Variants in ERI3 observed in about 807,000 individuals in gnomAD.
The protein encoded by ERI3 is ERI1 exoribonuclease family member 3, also known as ERI1 exoribonuclease 3.
A neutral mutation model predicts 44.4 loss-of-function variants in ERI3; 18 were observed. The observed-to-expected ratio is 0.41, with a 90% CI of 0.28 to 0.60. The LOEUF is 0.60. Ranked by LOEUF, ERI3 falls within the 20% of genes least tolerant of loss-of-function variation. The pLI, the probability that ERI3 is intolerant of heterozygous loss-of-function variation, is 0.36. For missense variants in ERI3, 294 were observed against 435.5 expected, an observed-to-expected ratio of 0.68 and a Z score of 2.89; for synonymous variants, 183 against 164.8, an observed-to-expected ratio of 1.11 and a Z score of -0.84.
chr1:44,349,121 A>C (rs1302881192), intron 2 of ERI3, among the ~76,000 whole-genome samples: 2 of 152,118 alleles, frequency 1.3e-5, no homozygotes, highest in Non-Finnish European at 2.9e-5. Flanking sequence ...TGTTGGGACT[A>C]AGGTCCACAC....
At chr1:44,240,129 C>T (rs773346081) in intron 8 of ERI3, among the ~76,000 whole-genome samples, 1 of 152,262 alleles carries the variant, frequency 6.6e-6, no homozygotes, top group Non-Finnish European at 1.5e-5. Context: ...CTACACCAGC[C>T]CCTCCTTGAG....
At chr1:44,294,362 T>A (rs1645568322) in intron 6 of ERI3, among the ~76,000 whole-genome samples, 1 of 152,196 alleles carries the variant, frequency 6.6e-6, no homozygotes, top group African/African-American at 2.4e-5. Context: ...TGGCTCTTTA[T>A]CCTATCTGCC....
At chr1:44,229,550 T>C (rs894864877) in intron 8 of ERI3, among the ~76,000 whole-genome samples, 2 of 152,082 alleles carry the variant, frequency 1.3e-5, no homozygotes. Flanking sequence ...TTTTACAAAT[T>C]AGGGAATAAA....
intron 3 of ERI3, among the ~76,000 whole-genome samples, chr1:44,322,125 T>C (rs1005131213): frequency 6.6e-6 from 1 of 152,166 alleles, no homozygotes; most frequent in Non-Finnish European, 1.5e-5. Context: ...AGATCTAGGA[T>C]TTCATTAGTA....
chr1:44,271,076 G>A (rs909087649), intron 7 of ERI3, among the ~76,000 whole-genome samples: 2 of 152,110 alleles, frequency 1.3e-5, no homozygotes, highest in African/African-American at 2.4e-5. Flanking sequence ...CCTGGCCCAC[G>A]GGCTCCCTCT....
Position 44,354,996 on chromosome 1 carries a change from C to G in ERI3, c.31G>C (p.Gly11Arg). The G allele has an allele frequency of 2.2e-6, 3 of 1,378,250 alleles. No individual in the cohort carries two copies. Among genetic ancestry groups the G allele is most frequent in the South Asian group, 2.0e-5 (1 of 49,220 alleles). The allele number at this position is 1,378,250 out of a possible 1,614,324, so 85.4% of individuals were successfully genotyped here. The change falls in exon 1 of 9, where the codon GGG becomes CGG. Residue 11 changes from glycine to arginine, a missense_variant. Physicochemically the swap from Gly to Arg is moderately radical, Grantham distance 125 (BLOSUM62 -2). This residue lies in a region of ERI3 where 107 missense variants were observed against 96.9 expected (regional missense o/e 1.10). Transcript: ENST00000372257. MATASPAADG[G>R]RGRPWEGGLV... ...CCTCCTTCCCAGGGCCGCCCCCGCC[C>G]CCCGTCAGCAGCGGGAGAGGCTGTC...
At chr1:44,226,709 T>C (rs1644048046) in intron 8 of ERI3, among the ~76,000 whole-genome samples, 1 of 151,746 alleles carries the variant, frequency 6.6e-6, no homozygotes, top group African/African-American at 2.4e-5. Flanking sequence ...CTATGGGACA[T>C]CTAAATTTGT....
intron 7 of ERI3, among the ~76,000 whole-genome samples, chr1:44,280,886 T>C (rs1342302377): frequency 6.6e-6 from 1 of 152,210 alleles, no homozygotes; most frequent in Non-Finnish European, 1.5e-5. Context: ...CTTCACTACA[T>C]TTTAGGCATT....
chr1:44,304,939 A>G (rs1303198501), intron 6 of ERI3, among the ~76,000 whole-genome samples: 1 of 152,068 alleles, frequency 6.6e-6, no homozygotes, highest in Non-Finnish European at 1.5e-5. Context: ...GGGGGAGGAA[A>G]ACTTCCTGCT....
At chr1:44,293,645 G>A (rs1645553322) in intron 6 of ERI3, among the ~76,000 whole-genome samples, 1 of 152,240 alleles carries the variant, frequency 6.6e-6, no homozygotes, top group South Asian at 2.1e-4. Context: ...ACAGATAAAG[G>A]AATGGAGGAT....
chr1:44,271,071 C>T (rs984726555), intron 7 of ERI3, among the ~76,000 whole-genome samples: 1 of 152,208 alleles, frequency 6.6e-6, no homozygotes, highest in South Asian at 2.1e-4. Context: ...CTATCCCTGG[C>T]CCACGGGCTC....
intron 8 of ERI3, among the ~76,000 whole-genome samples, chr1:44,229,536 G>A (rs1056160062): frequency 6.6e-6 from 1 of 152,178 alleles, no homozygotes; most frequent in Admixed American, 6.5e-5. Context: ...GATAAAGAGG[G>A]AATTTTTACA....
intron 7 of ERI3, among the ~76,000 whole-genome samples, chr1:44,278,298 G>A (rs1345132176): frequency 1.3e-5 from 2 of 152,108 alleles, no homozygotes; most frequent in East Asian, 1.9e-4. Flanking sequence ...ACAACATGGC[G>A]AAACTCTATT....
At chr1:44,287,913 G>A (rs1428189873) in intron 6 of ERI3, among the ~76,000 whole-genome samples, 9 of 152,286 alleles carry the variant, frequency 5.9e-5, no homozygotes, top group Admixed American at 2.6e-4. Context: ...AGGGAGCCTC[G>A]ATCTTATTCT....
At chr1:44,256,934 T>C (rs1644793140) in intron 7 of ERI3, 1 of 152,122 alleles carries the variant, frequency 6.6e-6, no homozygotes, top group Non-Finnish European at 1.5e-5. Context: ...CAGAAGAGGG[T>C]GGCCTGTCTG....
At chr1:44,328,785 G>C (rs1175144453) in intron 3 of ERI3, among the ~76,000 whole-genome samples, 2 of 152,152 alleles carry the variant, frequency 1.3e-5, no homozygotes, top group African/African-American at 4.8e-5. Flanking sequence ...ATGAGAATCA[G>C]AGCCCATGGC....
At chr1:44,247,177 T>G (rs1006747612) in intron 8 of ERI3, among the ~76,000 whole-genome samples, 1 of 152,134 alleles carries the variant, frequency 6.6e-6, no homozygotes, top group Admixed American at 6.5e-5. Flanking sequence ...CCAACAGACA[T>G]GTATAATCAT....
intron 7 of ERI3, among the ~76,000 whole-genome samples, chr1:44,262,181 CA>C (rs1456392248): frequency 6.6e-6 from 1 of 152,156 alleles, no homozygotes. Flanking sequence ...CAATAACCCC[CA>C]CTGGGCCCAG....
chr1:44,281,878 ATGTGTGTGTGTGTGTGTGTGTGTGTG>A (rs10574197), intron 7 of ERI3, among the ~76,000 whole-genome samples: 2 of 126,964 alleles, frequency 1.6e-5, no homozygotes, highest in African/African-American at 2.9e-5. Flanking sequence ...ACATGTGCAT[ATGTGTGTGTGTGTGTGTGTGTGTGTG>A]TGTGTGTGTG....
Sources: gnomAD v4.1 joint callset for allele counts (sites outside exome capture counted in the v4.1 genomes callset) on GRCh38, gnomAD v4.1.1 for gene constraint, gnomAD v4.1.1 regional missense constraint, MANE v1.5 for transcripts, NCBI Gene and HGNC (gene_info 2026-07-23, HGNC 2026-07-21) for gene names.